The following XPO5 variants were observed in gnomAD, a reference collection of about 807,000 sequenced individuals.
XPO5 encodes exportin-5.
A neutral mutation model predicts 160.6 loss-of-function variants in XPO5; 46 were observed. The ratio of observed to expected loss-of-function variants is 0.29; its 90% CI spans 0.23 to 0.37. The LOEUF is 0.37. Among genes scored for constraint, XPO5 ranks in the 10% least tolerant of loss-of-function variants. The pLI, the probability that XPO5 is intolerant of heterozygous loss-of-function variation, is 1.00. For missense variants in XPO5, 1,090 were observed against 1,463.9 expected (o/e 0.74, Z 4.17); for synonymous variants, 537 against 519.3 (o/e 1.03, Z -0.46).
intron 12 of XPO5, among the ~76,000 whole-genome samples, chr6:43,557,719 CATTAAATT>C (rs1389352653): frequency 6.9e-6 from 1 of 143,916 alleles, no homozygotes; most frequent in Non-Finnish European, 1.5e-5. Context: ...TACTAAAAAC[CATTAAATT>C]ATATACTGTA....
At chr6:43,529,953 A>G (rs1277210052) in intron 23 of XPO5, among the ~76,000 whole-genome samples, 1 of 150,486 alleles carries the variant, frequency 6.6e-6, no homozygotes, top group Non-Finnish European at 1.5e-5. Context: ...CAGAAAAGGG[A>G]TAAAAGTTTT....
chr6:43,524,976 G>GAA lies in XPO5; in HGVS notation c.3175-9_3175-8insTT. The GAA allele has an allele frequency of 6.2e-7, 1 of 1,612,394 alleles. No homozygotes were observed. The highest frequency in any genetic ancestry group is 8.5e-7 in the Non-Finnish European group (1 of 1,179,522). On this transcript the variant is annotated splice_polypyrimidine_tract_variant and intron_variant, in intron 29 of 31. Transcript: ENST00000265351. The stretch of plus-strand genomic sequence containing the variant: ...CAGTGTCCCTGACAGCACCTGGGGA[G>GAA]ACAACTGTGCTTTAGGGCCACAGGG...
intron 12 of XPO5, among the ~76,000 whole-genome samples, chr6:43,557,679 T>A (rs1056197044): frequency 1.3e-5 from 2 of 151,300 alleles, no homozygotes; most frequent in African/African-American, 4.9e-5. Flanking sequence ...TAAAATTGAT[T>A]GTGGTGATGG....
intron 17 of XPO5, 78 bp from the exon 18 acceptor site, chr6:43,548,538 A>T: frequency 7.7e-7 from 1 of 1,305,386 alleles, no homozygotes; most frequent in Non-Finnish European, 1.0e-6. Context: ...CAAGGAAGAA[A>T]GAAGAAAACC....
chr6:43,535,813 C>CAAA (rs60341205), intron 20 of XPO5, among the ~76,000 whole-genome samples: 6 of 71,832 alleles, frequency 8.4e-5, no homozygotes, highest in African/African-American at 2.4e-4. Flanking sequence ...GACTCCATCT[C>CAAA]AAAAAAAAAA....
At position 43,553,355 on chromosome 6, in the gene XPO5, T is replaced by A; in HGVS notation, c.1572+18A>T. 1 of 1,601,712 alleles carries A rather than the reference T, an allele frequency of 6.2e-7. No individual in the cohort carries two copies. Among genetic ancestry groups the A allele is most frequent in the Non-Finnish European group, 8.5e-7 (1 of 1,174,042 alleles). On this transcript the variant is annotated intron_variant, in intron 14 of 31. Coordinates refer to ENST00000265351, the MANE Select transcript of XPO5 (RefSeq NM_020750.3). Reference sequence around the variant, plus strand: ...GGTCAAAATAATCATGCAGTCAGCATGGGAAATAATTACTTACTTCTCTAT... The same window carrying A: ...GGTCAAAATAATCATGCAGTCAGCAAGGGAAATAATTACTTACTTCTCTAT...
chr6:43,553,510 AACACACACACACACATACACACACAC>A lies in XPO5; in HGVS notation c.1442-33_1442-8del. The stretch of plus-strand genomic sequence containing the variant: ...GTTCCAACTGCAGAACAAGCTTTAA[AACACACACACACACATACACACACAC>A]ACACACACACACAATTATCAGCATT... On this transcript the variant is annotated splice_polypyrimidine_tract_variant and splice_region_variant and intron_variant, in intron 13 of 31. Transcript: ENST00000265351. 3.3e-6 allele frequency: 5 copies of A among 1,503,522 alleles called. No individual in the cohort carries two copies. Among genetic ancestry groups the A allele is most frequent in the Non-Finnish European group, 4.5e-6 (5 of 1,119,676 alleles). The allele number at this position is 1,503,522 out of a possible 1,614,324, so 93.1% of individuals were successfully genotyped here.
chr6:43,526,388 C>T (rs987449820), intron 27 of XPO5: 5 of 452,292 alleles, frequency 1.1e-5, no homozygotes, highest in Admixed American at 3.4e-5. Context: ...CTGGGGTTGC[C>T]ATTTTTGATA....
intron 20 of XPO5, chr6:43,538,803 T>C: frequency 1.1e-6 from 1 of 896,242 alleles, no homozygotes; most frequent in South Asian, 2.0e-5. Flanking sequence ...ATTCACTTTA[T>C]TTTTCTTGTA....
At chr6:43,525,631 T>C (rs1793536826) in intron 28 of XPO5, 1 of 581,870 alleles carries the variant, frequency 1.7e-6, no homozygotes, top group East Asian at 2.9e-5. Context: ...ACTATGTGTT[T>C]TCCTGAGAGC....
chr6:43,524,656 C>T, intron 30 of XPO5, 21 bp from the exon 31 acceptor site: 1 of 1,610,552 alleles, frequency 6.2e-7, no homozygotes, highest in African/African-American at 1.3e-5. Flanking sequence ...CAGGGATAAA[C>T]TTACTGGATG....
chr6:43,522,739 A>AGT lies in XPO5; in HGVS notation c.*1128_*1129insAC, dbSNP rs758775098. ...CTTGTCAGTGGACTGGATGGACAACAGGTCTGTTTTTGTGCAGAGCACATG... is the reference window on the plus strand; with the variant it reads ...CTTGTCAGTGGACTGGATGGACAACAGTGGTCTGTTTTTGTGCAGAGCACATG... On this transcript the variant is annotated 3_prime_UTR_variant, in exon 32 of 32. Coordinates refer to ENST00000265351, the MANE Select transcript of XPO5 (RefSeq NM_020750.3). 2 of 498,538 alleles carry AGT rather than the reference A, an allele frequency of 4.0e-6. No homozygotes were observed. Among genetic ancestry groups the AGT allele is most frequent in the South Asian group, 3.0e-5 (2 of 66,842 alleles). 30.9% of individuals were successfully genotyped at this position (498,538 alleles called of 1,614,324 possible). A position where few individuals can be genotyped will look rare whatever the true frequency, so the allele number is the denominator to read the frequency against.
At chr6:43,545,948 CT>C (rs916892251) in intron 20 of XPO5, among the ~76,000 whole-genome samples, 1 of 151,948 alleles carries the variant, frequency 6.6e-6, no homozygotes, top group African/African-American at 2.4e-5. Flanking sequence ...CACTGGGCAT[CT>C]AGTTAAAATG....
At position 43,547,677 on chromosome 6, in the gene XPO5, C is replaced by T. The variant is rs774272076; in HGVS notation, c.2091G>A (p.Ala697=). 1.5e-5 allele frequency: 25 copies of T among 1,613,820 alleles called. No individual in the cohort carries two copies. Among genetic ancestry groups the T allele is most frequent in the East Asian group, 4.5e-5 (2 of 44,902 alleles). The change falls in exon 19 of 32, where the codon GCG becomes GCA. Residue 697 remains alanine (A), a synonymous_variant. Transcript: ENST00000265351. ...RVLSDVDAFI[A]YVGTDQKSCD... is the part of the protein sequence containing the mutation. ...AGCTCTTCTGATCTGTACCCACATA[C>T]GCAATGAAAGCATCAACATCTGACA...
At chr6:43,561,509 G>A (rs1433552615) in intron 9 of XPO5, 1 of 153,990 alleles carries the variant, frequency 6.5e-6, no homozygotes, top group African/African-American at 2.4e-5. Context: ...CTCTCGAGTA[G>A]CTGGGATAAC....
chr6:43,553,232 T>C (rs952250249), intron 14 of XPO5, 141 bp downstream of exon 14: 29 of 1,067,354 alleles, frequency 2.7e-5, no homozygotes, highest in South Asian at 1.2e-4. Context: ...AGCCCAGGAG[T>C]TGGAGGTTAC....
Position 43,533,970 on chromosome 6 carries a change from T to C in XPO5, c.2380A>G (p.Lys794Glu). The C allele has an allele frequency of 6.2e-7, 1 of 1,606,212 alleles. No individual in the cohort carries two copies. The highest frequency in any genetic ancestry group is 8.5e-7 in the Non-Finnish European group (1 of 1,175,172). ...GCCTTGGTGAAAGGCTCTGCCATTT[T>C]GGCTAGCATTTCTGGTGCATATAAT... The part of the protein sequence containing the change: ...NTLYAPEMLA[K>E]MAEPFTKALD... Residue 794 changes from lysine to glutamate, a missense_variant, in exon 21 of 32, where the codon AAA (lysine) becomes GAA (glutamate). Lys to Glu is a moderately conservative substitution (Grantham distance 56). Transcript: ENST00000265351.
intron 13 of XPO5, chr6:43,555,130 CAG>C (rs1049502804): frequency 2.6e-5 from 4 of 152,122 alleles, no homozygotes; most frequent in Non-Finnish European, 4.4e-5. Context: ...TTAGTAGAGA[CAG>C]GGTTTCTCCA....
chr6:43,548,515 G>A, intron 17 of XPO5, 55 bp from the exon 18 acceptor site: 1 of 1,414,144 alleles, frequency 7.1e-7, no homozygotes, highest in Non-Finnish European at 9.4e-7. Flanking sequence ...TTTTCAAGGA[G>A]AGGTGGCTTA....
Sources: gnomAD v4.1 joint callset for allele counts (sites outside exome capture counted in the v4.1 genomes callset) on GRCh38, gnomAD v4.1.1 for gene constraint, MANE v1.5 for transcripts, NCBI Gene and HGNC (gene_info 2026-07-23, HGNC 2026-07-21) for gene names.